The following CKAP5 variants were observed in gnomAD, a reference collection of about 807,000 sequenced individuals.
The protein encoded by CKAP5 is cytoskeleton associated protein 5.
CKAP5 carries 27 observed loss-of-function variants against 232.8 expected under a neutral mutation model. That is an observed-to-expected ratio of 0.12 (90% confidence interval 0.09 to 0.16). The LOEUF (loss-of-function observed/expected upper bound fraction) is 0.16. CKAP5 is among the 10% of genes least tolerant of loss of function. The pLI, the probability that CKAP5 is intolerant of heterozygous loss-of-function variation, is 1.00. For synonymous variants in CKAP5, 785 were observed against 841.1 expected, an observed-to-expected ratio of 0.93 and a Z score of 1.16; for missense variants, 1,838 against 2,424.7, an observed-to-expected ratio of 0.76 and a Z score of 5.08.
chr11:46,789,883 A>T (rs1324768260), intron 15 of CKAP5, among the ~76,000 whole-genome samples, 193 bp downstream of exon 15: 1 of 152,208 alleles, frequency 6.6e-6, no homozygotes, highest in Non-Finnish European at 1.5e-5. Flanking sequence ...TAAAGGCCAT[A>T]GAATACTGAT....
At chr11:46,780,668 C>T (rs1217405658) in intron 18 of CKAP5, among the ~76,000 whole-genome samples, 183 bp from the exon 19 acceptor site, 2 of 152,276 alleles carry the variant, frequency 1.3e-5, no homozygotes, top group East Asian at 1.9e-4. Flanking sequence ...ACCTAGGCTA[C>T]AGTACAGTAC....
rs187578358 is a variant in CKAP5, at chr11:46,814,533, A to G, written c.458+1665T>C. ...CATACACAAAATCATGAGAGGTGAG[A>G]TGGATGATCTTCATTCCGTGAGGAT... On this transcript the variant is annotated intron_variant, in intron 4 of 43. Coordinates refer to ENST00000529230, the MANE Select transcript of CKAP5 (RefSeq NM_001008938.4). Among the ~76,000 whole-genome samples the G allele has an allele frequency of 2.8e-3, 421 of 152,302 alleles. 2 individuals are homozygous for G. The highest frequency in any genetic ancestry group is 9.6e-3 in the African/African-American group (399 of 41,564).
Position 46,777,486 on chromosome 11 carries a change from C to T in CKAP5, c.2815G>A (p.Val939Ile). 2 of 1,613,890 alleles carry T rather than the reference C, an allele frequency of 1.2e-6. No individual in the cohort carries two copies. The highest frequency in any genetic ancestry group is 1.7e-6 in the Non-Finnish European group (2 of 1,179,816). ...ATGATAGGGATGCCTAAATTTTTTA[C>T]ATGTTGCTTAATATTTGGGCCCATG... ...VAMGPNIKQHVKNLGIPIITV... is the reference protein window; with the variant it reads ...VAMGPNIKQHIKNLGIPIITV... The change falls in exon 23 of 44, where the codon GTA (valine) becomes ATA (isoleucine). Residue 939 changes from valine (V) to isoleucine (I), a missense_variant. Val to Ile is a conservative substitution (Grantham distance 29). Coordinates refer to ENST00000529230, the MANE Select transcript of CKAP5 (RefSeq NM_001008938.4).
In CKAP5 at chr11:46,805,341, T is replaced by C. The variant is rs187709481; in HGVS notation, c.978+2690A>G. Among the ~76,000 whole-genome samples, 749 of 152,290 alleles carry C rather than the reference T, an allele frequency of 4.9e-3. 6 individuals are homozygous for C. Among genetic ancestry groups the C allele is most frequent in the Non-Finnish European group, 8.2e-3 (558 of 68,022 alleles). On this transcript the variant is annotated intron_variant, in intron 8 of 43. Transcript: ENST00000529230. ...AATCAGGTGACAACTCAAAACAGTT[T>C]AAAAATAATTTCAGGAATATCATAA...
At chr11:46,748,414 G>A (rs1264472063) in intron 42 of CKAP5, among the ~76,000 whole-genome samples, 3 of 152,204 alleles carry the variant, frequency 2.0e-5, no homozygotes, top group Non-Finnish European at 4.4e-5. Context: ...AGGAAGAGAA[G>A]ACTCAAAAGC....
intron 36 of CKAP5, among the ~76,000 whole-genome samples, chr11:46,754,024 A>G (rs901941850): frequency 6.6e-6 from 1 of 151,858 alleles, no homozygotes; most frequent in Admixed American, 6.6e-5. Flanking sequence ...TTTGAGACAG[A>G]GTCTTGCTCT....
At chr11:46,749,784 T>C (rs1404510524) in intron 42 of CKAP5, among the ~76,000 whole-genome samples, 8 of 151,466 alleles carry the variant, frequency 5.3e-5, no homozygotes, top group Non-Finnish European at 1.0e-4. Flanking sequence ...ACCCCGTCTT[T>C]ACTAAAAATA....
At chr11:46,816,723 G>A (rs1939410562) in intron 3 of CKAP5, among the ~76,000 whole-genome samples, 1 of 151,282 alleles carries the variant, frequency 6.6e-6, no homozygotes, top group Admixed American at 6.6e-5. Flanking sequence ...TTCTCTAAGT[G>A]TGTGTGTATA....
rs2065101272 is a variant in CKAP5 at position 46,755,179 on chromosome 11, G to T, written c.4690-112C>A. ...TATTTATTAGCAAAGTACTTCTAAA[G>T]TCTTACCTTAAAAAAAAGCCCATTT... On this transcript the variant is annotated intron_variant, in intron 35 of 43. Coordinates refer to ENST00000529230, the MANE Select transcript of CKAP5 (RefSeq NM_001008938.4). The T allele has an allele frequency of 1.0e-5, 7 of 681,442 alleles. No individual in the cohort carries two copies. In the South Asian group the frequency reaches 1.5e-4, roughly 15 times the overall value. 42.2% of individuals were successfully genotyped at this position (681,442 alleles called of 1,614,324 possible). A position where few individuals can be genotyped will look rare whatever the true frequency, so the allele number is the denominator to read the frequency against.
intron 33 of CKAP5, among the ~76,000 whole-genome samples, chr11:46,760,168 A>T (rs10466476): frequency 0.13 from 20,270 of 152,204 alleles, 1,872 homozygotes; most frequent in African/African-American, 0.27. Context: ...GAAGAAAGTG[A>T]ATCAGTATTT....
At chr11:46,760,338 C>T (rs1422291733) in intron 33 of CKAP5, 2 of 577,340 alleles carry the variant, frequency 3.5e-6, no homozygotes, top group Non-Finnish European at 6.4e-6. Flanking sequence ...GAGAAATTAG[C>T]AGGCAGTACT....
intron 36 of CKAP5, among the ~76,000 whole-genome samples, chr11:46,754,625 A>C (rs2065096657): frequency 1.3e-5 from 2 of 152,220 alleles, no homozygotes; most frequent in African/African-American, 4.8e-5. Context: ...AAAGGCAGCT[A>C]TGGCCTACCA....
intron 32 of CKAP5, among the ~76,000 whole-genome samples, chr11:46,761,641 C>T (rs945957420): frequency 2.0e-5 from 3 of 152,170 alleles, no homozygotes; most frequent in African/African-American, 7.2e-5. Context: ...AGCATCCACA[C>T]TATACACAAA....
chr11:46,754,061 C>G (rs1028554749), intron 36 of CKAP5, among the ~76,000 whole-genome samples: 1 of 151,772 alleles, frequency 6.6e-6, no homozygotes, highest in Non-Finnish European at 1.5e-5. Flanking sequence ...TGCAGTGGCA[C>G]GATCTCGGCT....
At chr11:46,843,563 G>A (rs1211277329) in intron 1 of CKAP5, among the ~76,000 whole-genome samples, 4 of 150,832 alleles carry the variant, frequency 2.7e-5, no homozygotes, top group Non-Finnish European at 4.4e-5. Context: ...AAACCCCATC[G>A]CTACAAAAAC....
rs545497819 is a variant in CKAP5, at chr11:46,801,071, A to C, written c.1083+129T>G. 79 of 567,638 alleles carry C rather than the reference A, an allele frequency of 1.4e-4. 1 individual carries two copies. In the East Asian group the frequency reaches 2.3e-3, roughly 17 times the overall value. 35.2% of individuals were successfully genotyped at this position (567,638 alleles called of 1,614,324 possible). ...TATCTATGCTGAATATTAACAAAACAGAGAGAAATTTACTTTGTACAGTAT... is the reference window on the plus strand; with the variant it reads ...TATCTATGCTGAATATTAACAAAACCGAGAGAAATTTACTTTGTACAGTAT... On this transcript the variant is annotated intron_variant, in intron 9 of 43. Transcript: ENST00000529230.
intron 1 of CKAP5, among the ~76,000 whole-genome samples, chr11:46,824,659 T>C (rs1424467715): frequency 6.6e-6 from 1 of 152,164 alleles, no homozygotes; most frequent in African/African-American, 2.4e-5. Context: ...GAATGCCAAA[T>C]GGTCCAGCTG....
intron 42 of CKAP5, among the ~76,000 whole-genome samples, chr11:46,748,066 G>T (rs903969146): frequency 3.9e-5 from 6 of 152,070 alleles, no homozygotes. Flanking sequence ...GGGGGCTGGT[G>T]GGGCTGGAGT....
intron 24 of CKAP5, among the ~76,000 whole-genome samples, chr11:46,775,783 G>A (rs1392331686): frequency 3.9e-5 from 6 of 151,988 alleles, no homozygotes; most frequent in Non-Finnish European, 8.8e-5. Context: ...GAGAACGTAC[G>A]GGCACAGGGA....
Sources: allele counts gnomAD v4.1 joint callset (sites outside exome capture counted in the v4.1 genomes callset), GRCh38; gene constraint gnomAD v4.1.1; transcripts MANE v1.5; gene names NCBI Gene and HGNC (gene_info 2026-07-23, HGNC 2026-07-21).